GALNT13: variants seen among roughly 807,000 people sequenced by gnomAD.
The protein encoded by GALNT13 is UDP-GalNAc:polypeptide N-acetylgalactosaminyltransferase 13.
A neutral mutation model predicts 64.2 loss-of-function variants in GALNT13; 28 were observed. The ratio of observed to expected loss-of-function variants is 0.44; its 90% CI spans 0.32 to 0.60. GALNT13 has a LOEUF of 0.60. Ranked by LOEUF, GALNT13 falls within the 20% of genes least tolerant of loss-of-function variation. The pLI is 0.05. For synonymous variants in GALNT13, 214 were observed against 224.6 expected (o/e 0.95, Z 0.42); for missense variants, 577 against 669.8 (o/e 0.86, Z 1.53).
intron 4 of GALNT13, among the ~76,000 whole-genome samples, chr2:154,229,756 G>A (rs1688817398): frequency 6.6e-6 from 1 of 152,010 alleles, no homozygotes; most frequent in South Asian, 2.1e-4. Flanking sequence ...GCATGAGAGG[G>A]CTTTGTTCCC....
chr2:153,189,207 T>C, the GALNT13 span, among the ~76,000 whole-genome samples: 1 of 152,090 alleles, frequency 6.6e-6, no homozygotes, highest in Admixed American at 6.6e-5. Context: ...ACCTTTCTTA[T>C]TCCCCGTCCC....
the GALNT13 span, chr2:153,761,310 T>A: frequency 6.6e-6 from 1 of 152,182 alleles, no homozygotes; most frequent in African/African-American, 2.4e-5. Flanking sequence ...GTTTACTTAT[T>A]ATTTAATTTT....
intron 4 of GALNT13, among the ~76,000 whole-genome samples, chr2:154,230,448 C>T (rs1342821487): frequency 1.3e-5 from 2 of 152,056 alleles, no homozygotes; most frequent in African/African-American, 4.8e-5. Flanking sequence ...AAGGCCACAA[C>T]ATTTACTTGG....
chr2:154,109,231 T>A (rs1053925183), intron 3 of GALNT13, among the ~76,000 whole-genome samples: 3 of 152,110 alleles, frequency 2.0e-5, no homozygotes, highest in Non-Finnish European at 4.4e-5. Flanking sequence ...TTTTAAGTTT[T>A]AGTATACTGA....
chr2:154,113,071 A>G (rs1048930399), intron 3 of GALNT13, among the ~76,000 whole-genome samples: 1 of 152,192 alleles, frequency 6.6e-6, no homozygotes, highest in African/African-American at 2.4e-5. Flanking sequence ...TACAGGTGGC[A>G]TGGTGCCTTG....
the GALNT13 span, among the ~76,000 whole-genome samples, chr2:153,495,535 G>A: frequency 6.6e-6 from 1 of 152,000 alleles, no homozygotes; most frequent in Non-Finnish European, 1.5e-5. Flanking sequence ...TTTGTTTCAT[G>A]AATTCAAAAA....
chr2:153,966,802 A>G (rs1693394256), intron 3 of GALNT13, among the ~76,000 whole-genome samples: 3 of 151,898 alleles, frequency 2.0e-5, no homozygotes, highest in Admixed American at 6.6e-5. Context: ...AGGTTTAGGA[A>G]GGTTTATGTT....
rs552641211 is a variant in GALNT13, at chr2:154,354,920, C to A, written c.1157-41071C>A. On this transcript the variant is annotated intron_variant, in intron 9 of 12. Transcript: ENST00000392825. Reference sequence around the variant, plus strand: ...CCAGTGTTTCTATACATAGAATTTCCCATTGTTTTCTCTGACACTAACTTT... The same window carrying A: ...CCAGTGTTTCTATACATAGAATTTCACATTGTTTTCTCTGACACTAACTTT... Among the ~76,000 whole-genome samples, 4 of 138,946 alleles carry A rather than the reference C, an allele frequency of 2.9e-5. No individual in the cohort carries two copies. In the East Asian group the frequency reaches 1.0e-3, roughly 36 times the overall value. 91.2% of individuals were successfully genotyped at this position (138,946 alleles called of 152,430 possible).
the GALNT13 span, among the ~76,000 whole-genome samples, chr2:153,776,734 TCTC>T: frequency 3.3e-5 from 5 of 152,236 alleles, no homozygotes; most frequent in African/African-American, 1.2e-4. Context: ...TAGCTTCTCT[TCTC>T]TGTGCAGCTC....
the GALNT13 span, among the ~76,000 whole-genome samples, chr2:153,287,391 C>T: frequency 6.6e-6 from 1 of 152,194 alleles, no homozygotes; most frequent in African/African-American, 2.4e-5. Flanking sequence ...CCCTCTCTGC[C>T]TTGTCGCAAG....
the GALNT13 span, among the ~76,000 whole-genome samples, chr2:153,455,210 TATG>T: frequency 6.6e-6 from 1 of 152,382 alleles, no homozygotes; most frequent in African/African-American, 2.4e-5. Context: ...TTCTTCATAT[TATG>T]ATAACTTCTC....
intron 3 of GALNT13, among the ~76,000 whole-genome samples, chr2:153,946,030 A>G (rs1691715031): frequency 6.6e-6 from 1 of 152,142 alleles, no homozygotes; most frequent in Non-Finnish European, 1.5e-5. Flanking sequence ...CATGTTTTTG[A>G]CAAATGAACA....
At chr2:153,092,315 C>T in the GALNT13 span, among the ~76,000 whole-genome samples, 1 of 152,034 alleles carries the variant, frequency 6.6e-6, no homozygotes, top group South Asian at 2.1e-4. Context: ...ATAGCCTTGA[C>T]TATTCTGGGT....
chr2:153,469,331 A>G, the GALNT13 span, among the ~76,000 whole-genome samples: 10 of 152,034 alleles, frequency 6.6e-5, no homozygotes, highest in Non-Finnish European at 1.0e-4. Flanking sequence ...ACTCCTACAC[A>G]CCAGTCTTTA....
At chr2:153,495,171 C>G in the GALNT13 span, among the ~76,000 whole-genome samples, 1 of 151,958 alleles carries the variant, frequency 6.6e-6, no homozygotes, top group Admixed American at 6.6e-5. Flanking sequence ...TGTAGAACAA[C>G]TAGAATTCTC....
the GALNT13 span, among the ~76,000 whole-genome samples, chr2:153,817,652 C>T: frequency 1.3e-5 from 2 of 152,202 alleles, no homozygotes; most frequent in Non-Finnish European, 2.9e-5. Flanking sequence ...CAAGATCTCT[C>T]TTACAGTGGC....
the GALNT13 span, chr2:153,420,741 A>G: frequency 4.3e-6 from 1 of 229,962 alleles, no homozygotes; most frequent in East Asian, 1.1e-4. Context: ...AAGGGCAGCC[A>G]TGTCCTCACA....
chr2:154,284,520 T>TACACACACAC (rs372990123), intron 8 of GALNT13, among the ~76,000 whole-genome samples: 2,212 of 145,786 alleles, frequency 0.015, 26 homozygotes, highest in East Asian at 0.03. Flanking sequence ...TACATATAGC[T>TACACACACAC]ACACACACAC....
the GALNT13 span, among the ~76,000 whole-genome samples, chr2:153,245,879 T>A: frequency 6.6e-6 from 1 of 152,132 alleles, no homozygotes; most frequent in East Asian, 1.9e-4. Context: ...TCTAACCCAA[T>A]GCAAGCAGGC....
Sources: gnomAD v4.1 joint callset for allele counts (sites outside exome capture counted in the v4.1 genomes callset) on GRCh38, gnomAD v4.1.1 for gene constraint, MANE v1.5 for transcripts, NCBI Gene and HGNC (gene_info 2026-07-23, HGNC 2026-07-21) for gene names.